Variants in TAB2 observed in about 807,000 individuals in gnomAD.
The protein encoded by TAB2 is TGF-beta activated kinase 1 (MAP3K7) binding protein 2, also known as TGF-beta-activated kinase 1 and MAP3K7-binding protein 2.
In TAB2, 3 loss-of-function variants were observed where a neutral mutation model predicts 65.0. That is an observed-to-expected ratio of 0.05 (90% CI 0.02 to 0.12). TAB2 has a LOEUF of 0.12. Among genes scored for constraint, TAB2 ranks in the 10% least tolerant of loss-of-function variants. The probability of loss-of-function intolerance (pLI) is 1.00; values close to 1 mark genes in which losing one functional copy is unlikely to be tolerated. For synonymous variants in TAB2, 298 were observed against 285.1 expected (o/e 1.05, Z -0.46); for missense variants, 623 against 840.3 (o/e 0.74, Z 3.20).
intron 1 of TAB2, among the ~76,000 whole-genome samples, chr6:149,230,454 T>C (rs894028673): frequency 5.7e-4 from 87 of 152,348 alleles, no homozygotes; most frequent in Non-Finnish European, 1.0e-3. Flanking sequence ...CCTGCATTCA[T>C]CAGTGGGGCT....
At chr6:149,274,055 TATA>T (rs1433100392) in intron 1 of TAB2, among the ~76,000 whole-genome samples, 29 of 152,334 alleles carry the variant, frequency 1.9e-4, no homozygotes, top group African/African-American at 6.3e-4. Flanking sequence ...GTCTTCAAAG[TATA>T]ATATTTCTAT....
In TAB2 at chr6:149,295,135, GTCAAGATTC is replaced by G. The variant is rs1238507030; in HGVS notation, c.-121+76362_-121+76370del. Reference sequence around the variant, plus strand: ...GGTTATGGTGGACACCTAAAACAGGGTCAAGATTCTCTGGAAGAATTTGTGAGAGACCTG... The same window carrying G: ...GGTTATGGTGGACACCTAAAACAGGGTCTGGAAGAATTTGTGAGAGACCTG... On this transcript the variant is annotated intron_variant, in intron 1 of 1. Transcript: ENST00000606202. Among the ~76,000 whole-genome samples, 3 of 152,150 alleles carry G rather than the reference GTCAAGATTC, an allele frequency of 2.0e-5. No individual in the cohort carries two copies. In the East Asian group the frequency reaches 5.8e-4, roughly 29 times the overall value.
At chr6:149,338,908 C>T (rs1032973492) in intron 1 of TAB2, among the ~76,000 whole-genome samples, 1 of 152,176 alleles carries the variant, frequency 6.6e-6, no homozygotes, top group South Asian at 2.1e-4. Flanking sequence ...TTTATTATAA[C>T]GTGAATATAT....
intron 2 of TAB2, among the ~76,000 whole-genome samples, chr6:149,372,051 AT>A (rs1447939908): frequency 2.7e-4 from 41 of 152,206 alleles, no homozygotes; most frequent in Non-Finnish European, 2.9e-5. Context: ...TCTTTGATAA[AT>A]TTCTGTAGAC....
At chr6:149,260,460 T>G (rs1490827525) in intron 1 of TAB2, among the ~76,000 whole-genome samples, 1 of 152,216 alleles carries the variant, frequency 6.6e-6, no homozygotes, top group African/African-American at 2.4e-5. Flanking sequence ...CTATCACTCC[T>G]TATACGTATT....
intron 1 of TAB2, among the ~76,000 whole-genome samples, chr6:149,359,179 A>G (rs997366484): frequency 6.6e-6 from 1 of 152,040 alleles, no homozygotes; most frequent in Non-Finnish European, 1.5e-5. Flanking sequence ...TTTATTTAAC[A>G]TGAGCTCATT....
At position 149,378,587 on chromosome 6, in the gene TAB2, T is replaced by C. The variant is rs1781489901; in HGVS notation, c.672T>C (p.Gly224=). Residue 224 remains glycine, a synonymous_variant, in exon 3 of 7, where the codon GGT becomes GGC. Coordinates refer to ENST00000637181, the MANE Select transcript of TAB2 (RefSeq NM_001292034.3). ...GGCCTTACATTACAACTCCTGGTGG[T>C]ACAACTCGACAGACACAACAGCATT... is the stretch of plus-strand genomic sequence containing the variant. ...YIRPYITTPG[G]TTRQTQQHSG... is the part of the protein sequence containing the mutation. 4 of 1,613,776 alleles carry C rather than the reference T, an allele frequency of 2.5e-6. No individual in the cohort carries two copies. In the East Asian group the frequency reaches 6.7e-5, roughly 27 times the overall value.
At chr6:149,323,421 A>C (rs1779513469) in intron 1 of TAB2, among the ~76,000 whole-genome samples, 1 of 152,184 alleles carries the variant, frequency 6.6e-6, no homozygotes, top group African/African-American at 2.4e-5. Context: ...TAACTGTTAA[A>C]GAACAAGTTT....
chr6:149,400,482 C>T, intron 6 of TAB2: 3 of 1,614,202 alleles, frequency 1.9e-6, no homozygotes, highest in Non-Finnish European at 2.5e-6. Context: ...TTCTGTGGTG[C>T]AGTTTAAGAT....
chr6:149,344,073 G>A (rs1313434062), intron 1 of TAB2, among the ~76,000 whole-genome samples: 1 of 152,152 alleles, frequency 6.6e-6, no homozygotes, highest in African/African-American at 2.4e-5. Context: ...TCAGCATTAG[G>A]TCACTGATTA....
At chr6:149,230,913 C>G (rs528545596) in intron 1 of TAB2, among the ~76,000 whole-genome samples, 2 of 152,348 alleles carry the variant, frequency 1.3e-5, no homozygotes, top group South Asian at 4.1e-4. Flanking sequence ...AAACAGGCCC[C>G]TTGGCTTCCT....
rs777075835 is a variant in TAB2 at position 149,397,644 on chromosome 6, A to G, written c.1644A>G (p.Gln548=). 6.2e-7 allele frequency: 1 copy of G among 1,614,118 alleles called. No individual in the cohort carries two copies. The highest frequency in any genetic ancestry group is 8.5e-7 in the Non-Finnish European group (1 of 1,180,008). Residue 548 remains glutamine (Q), a synonymous_variant, in exon 4 of 7, where the codon CAA becomes CAG. Transcript: ENST00000637181. ...VHQKARMERL[Q]RELEIQKKKL... is the part of the protein sequence containing the mutation. ...AGAAGGCCAGAATGGAACGACTTCA[A>G]AGAGAACTTGAGATTCAAAAGAAAA... is the stretch of plus-strand genomic sequence containing the variant.
chr6:149,397,482 C>G, intron 3 of TAB2, 122 bp from the exon 4 acceptor site: 1 of 1,110,204 alleles, frequency 9.0e-7, no homozygotes, highest in Non-Finnish European at 1.3e-6. Flanking sequence ...CCTAAACTTA[C>G]AATATTTTGT....
intron 1 of TAB2, among the ~76,000 whole-genome samples, chr6:149,348,458 C>A (rs548628159): frequency 6.6e-6 from 1 of 151,886 alleles, no homozygotes; most frequent in East Asian, 1.9e-4. Context: ...CTGTTAGCAT[C>A]ATATTGACAA....
In TAB2 at chr6:149,345,046, A is replaced by G. The variant is rs115605422; in HGVS notation, c.-89-24863A>G. Among the ~76,000 whole-genome samples, 1,064 of 152,242 alleles carry G rather than the reference A, an allele frequency of 7.0e-3. 6 individuals are homozygous for G. Among genetic ancestry groups the G allele is most frequent in the African/African-American group, 0.024 (984 of 41,552 alleles). ...GAGACTCTTATATTTAATAGTAACA[A>G]TAAGCCTACTTCTTTTTCTACCACC... On this transcript the variant is annotated intron_variant, in intron 1 of 6. Coordinates refer to ENST00000637181, the MANE Select transcript of TAB2 (RefSeq NM_001292034.3).
chr6:149,278,852 G>C (rs1778523068), intron 1 of TAB2, among the ~76,000 whole-genome samples: 1 of 152,144 alleles, frequency 6.6e-6, no homozygotes, highest in Non-Finnish European at 1.5e-5. Context: ...GCTGAGGCGG[G>C]AGGATCACTT....
chr6:149,303,891 G>C (rs1779012559), intron 1 of TAB2, among the ~76,000 whole-genome samples: 1 of 152,250 alleles, frequency 6.6e-6, no homozygotes, highest in Admixed American at 6.5e-5. Flanking sequence ...TGAGTGGTGA[G>C]TGCCTTGAGG....
At chr6:149,293,280 T>C (rs1778809650) in intron 1 of TAB2, among the ~76,000 whole-genome samples, 2 of 152,234 alleles carry the variant, frequency 1.3e-5, no homozygotes, top group Admixed American at 1.3e-4. Context: ...TTCTCTGTAA[T>C]ATAGTATAAA....
At position 149,410,452 on chromosome 6, in the gene TAB2, ATTTTCTT is replaced by A. The variant is rs1357207805; in HGVS notation, c.*739_*745del. On this transcript the variant is annotated 3_prime_UTR_variant, in exon 7 of 7. Transcript: ENST00000637181. ...TAGTGTAATAGCCTTTTGTTAACTA[ATTTTCTT>A]TTTTCCTTTTAGTAATTAAGCACGA... The A allele has an allele frequency of 1.3e-5, 2 of 152,446 alleles. No homozygotes were observed. Among genetic ancestry groups the A allele is most frequent in the African/African-American group, 4.8e-5 (2 of 41,380 alleles). 9.4% of individuals were successfully genotyped at this position (152,446 alleles called of 1,614,324 possible).
Sources: gnomAD v4.1 joint callset for allele counts (sites outside exome capture counted in the v4.1 genomes callset) on GRCh38, gnomAD v4.1.1 for gene constraint, MANE v1.5 for transcripts, NCBI Gene and HGNC (gene_info 2026-07-23, HGNC 2026-07-21) for gene names.